AP2B1: variants seen among roughly 807,000 people sequenced by gnomAD.
AP2B1 encodes the protein adaptor related protein complex 2 subunit beta 1, also known as AP-2 complex subunit beta.
AP2B1 carries 23 observed loss-of-function variants against 102.0 expected under a neutral mutation model. That is an observed-to-expected ratio of 0.23 (90% CI 0.16 to 0.32). The LOEUF is 0.32. Among genes scored for constraint, AP2B1 ranks in the 10% least tolerant of loss-of-function variants. The probability of loss-of-function intolerance (pLI) is 1.00; values close to 1 mark genes in which losing one functional copy is unlikely to be tolerated. For missense variants in AP2B1, 541 were observed against 1,157.4 expected (o/e 0.47, Z 7.73); for synonymous variants, 381 against 421.2 (o/e 0.90, Z 1.17).
At chr17:35,648,219 A>G (rs2074990221) in intron 12 of AP2B1, among the ~76,000 whole-genome samples, 1 of 152,202 alleles carries the variant, frequency 6.6e-6, no homozygotes, top group Non-Finnish European at 1.5e-5. Flanking sequence ...GACAAAAACA[A>G]TAAAGAAAAC....
intron 1 of AP2B1, among the ~76,000 whole-genome samples, chr17:35,589,802 C>A (rs1378706511): frequency 6.6e-6 from 1 of 152,040 alleles, no homozygotes; most frequent in African/African-American, 2.4e-5. Flanking sequence ...TTGCTTATTT[C>A]TCTGGCTCTT....
chr17:35,644,779 A>G (rs1180741950), intron 12 of AP2B1, among the ~76,000 whole-genome samples: 1 of 152,094 alleles, frequency 6.6e-6, no homozygotes, highest in East Asian at 1.9e-4. Context: ...CACACCTGCA[A>G]TTCCAGCACT....
intron 6 of AP2B1, among the ~76,000 whole-genome samples, chr17:35,626,118 G>C (rs142380587): frequency 6.6e-5 from 10 of 152,234 alleles, no homozygotes; most frequent in African/African-American, 2.2e-4. Flanking sequence ...TTATCCTTAA[G>C]AGAGGAGGTT....
At chr17:35,598,416 G>A (rs2073363450) in intron 3 of AP2B1, 81 bp downstream of exon 3, 3 of 819,694 alleles carry the variant, frequency 3.7e-6, no homozygotes, top group African/African-American at 3.4e-5. Context: ...TCCTTTAAAA[G>A]TATCATAATC....
At chr17:35,697,013 C>T (rs989556577) in intron 18 of AP2B1, among the ~76,000 whole-genome samples, 1 of 152,172 alleles carries the variant, frequency 6.6e-6, no homozygotes, top group African/African-American at 2.4e-5. Context: ...AGTTCTTGAA[C>T]CAAACTAAGC....
At chr17:35,624,903 A>G (rs2074276531) in intron 6 of AP2B1, among the ~76,000 whole-genome samples, 1 of 152,108 alleles carries the variant, frequency 6.6e-6, no homozygotes, top group African/African-American at 2.4e-5. Flanking sequence ...GGGGTGACAG[A>G]TTTTTCATTC....
At chr17:35,596,881 T>C (rs1428584904) in intron 2 of AP2B1, 2 of 696,744 alleles carry the variant, frequency 2.9e-6, no homozygotes, top group East Asian at 3.2e-5. Context: ...CATATGCTGC[T>C]TCGTGATCCA....
intron 21 of AP2B1, among the ~76,000 whole-genome samples, chr17:35,717,906 A>T (rs1302872487): frequency 1.3e-5 from 2 of 152,248 alleles, no homozygotes; most frequent in African/African-American, 4.8e-5. Flanking sequence ...ACTGAACTAA[A>T]GTAAAACTTC....
chr17:35,704,317 T>A lies in AP2B1; in HGVS notation c.2455-4907T>A, dbSNP rs191025514. Among the ~76,000 whole-genome samples, 24 of 152,316 alleles carry A rather than the reference T, an allele frequency of 1.6e-4. 1 individual carries two copies. The highest frequency in any genetic ancestry group is 5.3e-4 in the African/African-American group (22 of 41,548). ...AGTGATTTGAAACCAAAAGAACCCA[T>A]ACATCATCCCATCCCCCCATTCCTG... On this transcript the variant is annotated intron_variant, in intron 18 of 21. Coordinates refer to ENST00000610402, the MANE Select transcript of AP2B1 (RefSeq NM_001030006.2).
chr17:35,696,678 C>T (rs1046415798), intron 18 of AP2B1, among the ~76,000 whole-genome samples: 5 of 152,036 alleles, frequency 3.3e-5, no homozygotes, highest in East Asian at 1.9e-4. Context: ...CCTGAGCCAC[C>T]GCACGCCTGG....
chr17:35,653,020 A>G (rs1380255601), intron 13 of AP2B1, among the ~76,000 whole-genome samples: 1 of 151,902 alleles, frequency 6.6e-6, no homozygotes, highest in South Asian at 2.1e-4. Context: ...GCTTTCCTAG[A>G]TTGTATTTCT....
chr17:35,660,196 A>C, intron 14 of AP2B1: 110 of 504,768 alleles, frequency 2.2e-4, no homozygotes, highest in South Asian at 3.4e-4. Flanking sequence ...GCGTAGGCTC[A>C]TCTTGAACTC....
intron 10 of AP2B1, 122 bp from the exon 11 acceptor site, chr17:35,639,473 A>C: frequency 1.4e-6 from 1 of 734,110 alleles, no homozygotes; most frequent in East Asian, 2.7e-5. Flanking sequence ...TCTTGACTAA[A>C]AGCTTTTACA....
At chr17:35,610,674 G>A (rs8069037) in intron 5 of AP2B1, among the ~76,000 whole-genome samples, 94,596 of 151,242 alleles carry the variant, frequency 0.63, 29,661 homozygotes, top group Non-Finnish European at 0.65. Context: ...TTGGGAGGCC[G>A]AGGTGGGTGG....
intron 13 of AP2B1, among the ~76,000 whole-genome samples, chr17:35,652,893 A>G (rs1359905108): frequency 6.6e-6 from 1 of 152,180 alleles, no homozygotes; most frequent in African/African-American, 2.4e-5. Context: ...ATGTGTAGAG[A>G]ATACTCTGTG....
At chr17:35,688,342 G>T (rs966590699) in intron 18 of AP2B1, among the ~76,000 whole-genome samples, 6 of 152,230 alleles carry the variant, frequency 3.9e-5, no homozygotes, top group Admixed American at 3.9e-4. Context: ...ATCAGAAGCC[G>T]TTCTGATTCT....
chr17:35,608,524 G>T, intron 5 of AP2B1, 137 bp downstream of exon 5: 1 of 1,085,502 alleles, frequency 9.2e-7, no homozygotes, highest in Middle Eastern at 2.9e-4. Context: ...GTGTCTCACA[G>T]ATTGTATATT....
intron 13 of AP2B1, among the ~76,000 whole-genome samples, chr17:35,657,184 T>G (rs565107800): frequency 1.8e-4 from 28 of 152,344 alleles, no homozygotes; most frequent in Non-Finnish European, 4.0e-4. Context: ...AATACATGTT[T>G]CTGCTGTTAC....
At chr17:35,673,095 C>T (rs1019819320) in intron 16 of AP2B1, among the ~76,000 whole-genome samples, 1 of 152,186 alleles carries the variant, frequency 6.6e-6, no homozygotes, top group Non-Finnish European at 1.5e-5. Context: ...CCCTGGTCCT[C>T]CCCACCACCT....
Sources: gnomAD v4.1 joint callset for allele counts (sites outside exome capture counted in the v4.1 genomes callset) on GRCh38, gnomAD v4.1.1 for gene constraint, MANE v1.5 for transcripts, NCBI Gene and HGNC (gene_info 2026-07-23, HGNC 2026-07-21) for gene names.